The following PDE11A variants were observed in gnomAD, a reference collection of about 807,000 sequenced individuals.
The protein encoded by PDE11A is dual 3',5'-cyclic-AMP and -GMP phosphodiesterase 11A.
A neutral mutation model predicts 100.5 loss-of-function variants in PDE11A; 100 were observed. The observed-to-expected ratio is 1.00, with a 90% CI of 0.85 to 1.18. PDE11A has a LOEUF of 1.18. Ranked by LOEUF, PDE11A falls within the 50% of genes most tolerant of loss-of-function variation. PDE11A has a pLI of 0.00. For missense variants in PDE11A, 1,141 were observed against 1,152.6 expected (o/e 0.99, Z 0.15); for synonymous variants, 381 against 420.8 (o/e 0.91, Z 1.16).
chr2:177,937,062 T>C (rs1239597114), intron 2 of PDE11A, among the ~76,000 whole-genome samples: 1 of 152,188 alleles, frequency 6.6e-6, no homozygotes, highest in African/African-American at 2.4e-5. Flanking sequence ...CTAAAATATT[T>C]GTGAGGCATC....
At chr2:177,846,451 G>A (rs532142848) in intron 5 of PDE11A, among the ~76,000 whole-genome samples, 1 of 152,226 alleles carries the variant, frequency 6.6e-6, no homozygotes, top group East Asian at 1.9e-4. Context: ...CAAAGGAAAG[G>A]GCCCAAATTA....
chr2:177,895,066 A>G (rs185300709), intron 4 of PDE11A, among the ~76,000 whole-genome samples: 9 of 152,242 alleles, frequency 5.9e-5, no homozygotes, highest in African/African-American at 2.2e-4. Context: ...ATTGGCTCAG[A>G]ATAAGCCTGT....
At position 178,103,274 on chromosome 2, in the gene PDE11A, G is replaced by A. The variant is rs528667230; in HGVS notation, c.162+1028C>T. 1.3e-4 allele frequency among the ~76,000 whole-genome samples: 20 copies of A among 152,176 alleles called. 1 individual carries two copies. The South Asian group carries it at 4.1e-3, about 32-fold the overall frequency. On this transcript the variant is annotated intron_variant, in intron 2 of 20. Coordinates refer to the PDE11A transcript ENST00000358450. ...AAGTGAAAGAAGTCAGACACAAAGG[G>A]TCACATATTATATGATTCCTTTTAT... is the stretch of plus-strand genomic sequence containing the variant.
chr2:177,869,340 G>C (rs144800444), intron 5 of PDE11A, among the ~76,000 whole-genome samples: 1 of 152,206 alleles, frequency 6.6e-6, no homozygotes, highest in Non-Finnish European at 1.5e-5. Context: ...GGGAAGAATG[G>C]AGCTCATTCA....
chr2:177,750,002 A>T (rs2082004680), intron 10 of PDE11A, among the ~76,000 whole-genome samples: 1 of 152,248 alleles, frequency 6.6e-6, no homozygotes, highest in Non-Finnish European at 1.5e-5. Context: ...ACATAATCTC[A>T]GCTGCACATA....
rs555031782 is a variant in PDE11A at position 177,853,938 on chromosome 2, G to T, written c.1368-13555C>A. 4.5e-4 allele frequency among the ~76,000 whole-genome samples: 66 copies of T among 146,340 alleles called. 1 individual carries two copies. Among genetic ancestry groups the T allele is most frequent in the African/African-American group, 1.4e-3 (54 of 39,696 alleles). On this transcript the variant is annotated intron_variant, in intron 5 of 19. Coordinates refer to ENST00000286063, the MANE Select transcript of PDE11A (RefSeq NM_016953.4). ...TGCATATATATGTATATATATGTGT[G>T]TATATATATCTATATATATGTGTAT...
At chr2:177,710,217 C>G (rs560479758) in intron 13 of PDE11A, among the ~76,000 whole-genome samples, 59 of 151,830 alleles carry the variant, frequency 3.9e-4, no homozygotes, top group Non-Finnish European at 7.5e-4. Context: ...GGACAGCCCT[C>G]TTACCGAGAT....
chr2:177,732,383 C>T (rs1452017690), intron 10 of PDE11A, among the ~76,000 whole-genome samples: 1 of 152,190 alleles, frequency 6.6e-6, no homozygotes, highest in African/African-American at 2.4e-5. Context: ...GGGAAAAACA[C>T]TTTTCAAGAG....
intron 5 of PDE11A, among the ~76,000 whole-genome samples, chr2:177,841,749 T>G (rs929530385): frequency 6.6e-6 from 1 of 152,188 alleles, no homozygotes; most frequent in Admixed American, 6.5e-5. Context: ...TAAACTTTAT[T>G]CTCTATGGCT....
intron 2 of PDE11A, among the ~76,000 whole-genome samples, chr2:177,932,392 G>A (rs973948199): frequency 3.9e-5 from 6 of 151,962 alleles, no homozygotes; most frequent in African/African-American, 1.4e-4. Context: ...GATGAACATA[G>A]ACATGAAAAT....
chr2:177,858,356 G>A (rs1172852681), intron 5 of PDE11A, among the ~76,000 whole-genome samples: 2 of 151,328 alleles, frequency 1.3e-5, no homozygotes, highest in African/African-American at 4.9e-5. Flanking sequence ...CATCTGACAA[G>A]GGGCTAATAT....
In PDE11A at chr2:177,903,618, C is replaced by T. The variant is rs531131079; in HGVS notation, c.1161+1480G>A. 3.3e-5 allele frequency among the ~76,000 whole-genome samples: 5 copies of T among 152,148 alleles called. No individual in the cohort carries two copies. In the South Asian group the frequency reaches 1.0e-3, roughly 32 times the overall value. On this transcript the variant is annotated intron_variant, in intron 3 of 19. Coordinates refer to ENST00000286063, the MANE Select transcript of PDE11A (RefSeq NM_016953.4). The stretch of plus-strand genomic sequence containing the variant: ...TCAAAATGTAGTTGGAGAGGCGGGC[C>T]CTCCTCAAATATCATAATACAGTGT...
At chr2:177,874,058 T>C (rs1292199008) in intron 5 of PDE11A, among the ~76,000 whole-genome samples, 2 of 152,200 alleles carry the variant, frequency 1.3e-5, no homozygotes, top group Admixed American at 6.5e-5. Context: ...CCCATTAGAT[T>C]TGGGAAACAT....
At chr2:177,871,551 T>G (rs1348219346) in intron 5 of PDE11A, among the ~76,000 whole-genome samples, 1 of 145,426 alleles carries the variant, frequency 6.9e-6, no homozygotes, top group African/African-American at 2.6e-5. Flanking sequence ...ATTATTATTA[T>G]TATTATTATT....
intron 15 of PDE11A, among the ~76,000 whole-genome samples, chr2:177,693,654 C>T (rs2081072022): frequency 1.3e-5 from 2 of 152,146 alleles, no homozygotes; most frequent in Admixed American, 6.6e-5. Context: ...AACATTATCA[C>T]ATAATATATC....
At chr2:177,908,989 G>A (rs1365472794) in intron 2 of PDE11A, among the ~76,000 whole-genome samples, 3 of 152,124 alleles carry the variant, frequency 2.0e-5, no homozygotes, top group Admixed American at 6.5e-5. Flanking sequence ...CTACCCCACT[G>A]TGTCCGACAA....
intron 8 of PDE11A, among the ~76,000 whole-genome samples, 192 bp downstream of exon 8, chr2:177,817,666 T>C (rs1176089609): frequency 2.7e-5 from 4 of 150,468 alleles, no homozygotes; most frequent in Non-Finnish European, 6.0e-5. Context: ...GGTTACAAAA[T>C]AATCCAATTC....
intron 13 of PDE11A, among the ~76,000 whole-genome samples, chr2:177,709,440 A>T (rs1280913092): frequency 6.6e-6 from 1 of 152,124 alleles, no homozygotes; most frequent in Admixed American, 6.6e-5. Context: ...TGGTGGGGCC[A>T]TTCCTTGGGG....
intron 19 of PDE11A, among the ~76,000 whole-genome samples, chr2:177,649,112 G>A (rs1020436309): frequency 1.3e-5 from 2 of 152,042 alleles, no homozygotes; most frequent in Admixed American, 1.3e-4. Context: ...TTGAAATTTG[G>A]TAATACATTG....
Sources: allele counts gnomAD v4.1 joint callset (sites outside exome capture counted in the v4.1 genomes callset), GRCh38; gene constraint gnomAD v4.1.1; transcripts MANE v1.5; gene names NCBI Gene and HGNC (gene_info 2026-07-23, HGNC 2026-07-21).